MID1: variants seen among roughly 807,000 people sequenced by gnomAD.
MID1 encodes midline 1.
A neutral mutation model predicts 40.4 loss-of-function variants in MID1; 7 were observed. The ratio of observed to expected loss-of-function variants is 0.17; its 90% confidence interval spans 0.10 to 0.33. The LOEUF (loss-of-function observed/expected upper bound fraction) is 0.33. MID1 is among the 10% of genes least tolerant of loss of function. MID1 has a pLI of 1.00. For synonymous variants in MID1, 229 were observed against 221.2 expected, an observed-to-expected ratio of 1.04 and a Z score of -0.31; for missense variants, 367 against 558.5, an observed-to-expected ratio of 0.66 and a Z score of 3.46.
intron 4 of MID1, among the ~76,000 whole-genome samples, chrX:10,486,119 G>C (rs749113673): frequency 8.9e-6 from 1 of 111,868 alleles, no homozygotes; most frequent in Non-Finnish European, 1.9e-5. Flanking sequence ...AAAGGCTGTC[G>C]AGTTAATTTG....
chrX:10,831,099 T>C (rs943155212), intron 1 of MID1, among the ~76,000 whole-genome samples: 2 of 111,851 alleles, frequency 1.8e-5, no homozygotes, highest in African/African-American at 6.5e-5. Context: ...AGGGATCAGC[T>C]CAGGCCAGCC....
At chrX:10,456,615 T>C (rs919394169) in intron 8 of MID1, among the ~76,000 whole-genome samples, 5 of 112,112 alleles carry the variant, frequency 4.5e-5, no homozygotes, top group Admixed American at 1.9e-4. Flanking sequence ...GGCAGCTCGA[T>C]TGCCTGAGGT....
At chrX:10,577,332 T>C (rs947078766) in intron 1 of MID1, among the ~76,000 whole-genome samples, 1 of 111,899 alleles carries the variant, frequency 8.9e-6, no homozygotes, top group Non-Finnish European at 1.9e-5. Context: ...CCTTTCAGTG[T>C]CGTACTGAGC....
chrX:10,506,977 T>C (rs1931872483), intron 3 of MID1, among the ~76,000 whole-genome samples: 1 of 111,704 alleles, frequency 9.0e-6, no homozygotes, highest in Admixed American at 9.5e-5. Context: ...CAGACCAAAA[T>C]GTATATTTCC....
rs202169166 is a variant in MID1, at chrX:10,502,148, T to TA, written c.757-6458dup. ...ATTAGATTTCAGACATGTGTGGGCT[T>TA]AAAATCTTTAGAAATATTTGGAACT... On this transcript the variant is annotated intron_variant, in intron 3 of 9. Coordinates refer to ENST00000317552, the MANE Select transcript of MID1 (RefSeq NM_000381.4). Among the ~76,000 whole-genome samples, 777 of 111,991 alleles carry TA rather than the reference T, an allele frequency of 6.9e-3. 6 individuals are homozygous for TA. The highest frequency in any genetic ancestry group is 0.024 in the African/African-American group (755 of 30,823).
intron 2 of MID1, among the ~76,000 whole-genome samples, chrX:10,560,080 T>A (rs1934274539): frequency 9.1e-6 from 1 of 110,007 alleles, no homozygotes; most frequent in Admixed American, 9.8e-5. Flanking sequence ...AGAGACAGGG[T>A]CTTGCTATGT....
intron 1 of MID1, among the ~76,000 whole-genome samples, chrX:10,567,940 CAG>C (rs1457567473): frequency 2.7e-5 from 3 of 111,350 alleles, no homozygotes; most frequent in Non-Finnish European, 5.7e-5. Context: ...CTTATTGTGT[CAG>C]AGTCAGGTTT....
intron 3 of MID1, among the ~76,000 whole-genome samples, chrX:10,516,560 T>TTGTGTGTGTGTGTG (rs57101806): frequency 2.7e-4 from 20 of 73,358 alleles, no homozygotes; most frequent in African/African-American, 8.1e-4. Context: ...TACTCTGCTC[T>TTGTGTGTGTGTGTG]TGTGTGTGTG....
intron 2 of MID1, among the ~76,000 whole-genome samples, chrX:10,563,207 A>G: frequency 8.9e-6 from 1 of 112,080 alleles, no homozygotes; most frequent in African/African-American, 3.2e-5. Context: ...AAAAAATTAC[A>G]ATGGGATGAT....
intron 5 of MID1, among the ~76,000 whole-genome samples, chrX:10,476,146 T>A (rs775894725): frequency 8.9e-6 from 1 of 111,759 alleles, no homozygotes; most frequent in Non-Finnish European, 1.9e-5. Flanking sequence ...TCCATTTGTA[T>A]GAAATGTCCA....
chrX:10,550,871 C>T (rs1933880121), intron 2 of MID1, among the ~76,000 whole-genome samples: 1 of 110,809 alleles, frequency 9.0e-6, no homozygotes, highest in Non-Finnish European at 1.9e-5. Context: ...TAAGTTTACC[C>T]TATGGTCCTC....
chrX:10,555,426 A>G (rs1934080860), intron 2 of MID1, among the ~76,000 whole-genome samples: 1 of 111,528 alleles, frequency 9.0e-6, no homozygotes, highest in African/African-American at 3.3e-5. Context: ...ATTCACATTA[A>G]AAATTATCTC....
intron 2 of MID1, among the ~76,000 whole-genome samples, chrX:10,526,541 C>T (rs1932836663): frequency 9.0e-6 from 1 of 111,550 alleles, no homozygotes; most frequent in Non-Finnish European, 1.9e-5. Flanking sequence ...TAGGGAAATA[C>T]ATCATCTAAC....
In MID1 at chrX:10,725,319, T is replaced by G. The variant is rs138304693; in HGVS notation, c.-186-104900A>C. Reference sequence around the variant, plus strand: ...TCAATTTCCCCAAGGGCTTTCCCAGTAAACACTCCCCTTAAAAGATTCGGT... The same window carrying G: ...TCAATTTCCCCAAGGGCTTTCCCAGGAAACACTCCCCTTAAAAGATTCGGT... On this transcript the variant is annotated intron_variant, in intron 1 of 10. Coordinates refer to the MID1 transcript ENST00000380785. 3.4e-3 allele frequency among the ~76,000 whole-genome samples: 382 copies of G among 111,477 alleles called. 1 individual carries two copies. The highest frequency in any genetic ancestry group is 0.012 in the African/African-American group (362 of 30,680).
At chrX:10,526,567 T>C (rs1335858608) in intron 2 of MID1, among the ~76,000 whole-genome samples, 1 of 111,930 alleles carries the variant, frequency 8.9e-6, no homozygotes, top group Non-Finnish European at 1.9e-5. Context: ...ACAGTTCAAT[T>C]GTCATAAGTA....
intron 1 of MID1, among the ~76,000 whole-genome samples, chrX:10,707,291 G>A (rs762842850): frequency 1.8e-5 from 2 of 111,283 alleles, no homozygotes; most frequent in African/African-American, 6.5e-5. Flanking sequence ...TGCCTTCACC[G>A]CGGAAGGGGA....
intron 1 of MID1, among the ~76,000 whole-genome samples, chrX:10,679,535 A>G (rs1008148826): frequency 4.5e-5 from 5 of 111,904 alleles, no homozygotes; most frequent in Non-Finnish European, 9.4e-5. Context: ...ATGTCCGTTC[A>G]TTTGAGTATT....
chrX:10,710,240 G>A (rs2043257595), intron 1 of MID1, among the ~76,000 whole-genome samples: 1 of 111,393 alleles, frequency 9.0e-6, no homozygotes, highest in South Asian at 3.8e-4. Flanking sequence ...ATGGGTTTAG[G>A]TAGCTACTGG....
At chrX:10,538,423 C>T (rs1173631777) in intron 2 of MID1, among the ~76,000 whole-genome samples, 1 of 111,238 alleles carries the variant, frequency 9.0e-6, no homozygotes, top group Non-Finnish European at 1.9e-5. Context: ...TTCCATGAAT[C>T]ACTGGTTTTC....
Sources: allele counts gnomAD v4.1 joint callset (sites outside exome capture counted in the v4.1 genomes callset), GRCh38; gene constraint gnomAD v4.1.1; transcripts MANE v1.5; gene names NCBI Gene and HGNC (gene_info 2026-07-23, HGNC 2026-07-21).